Variants in NELL1 observed in about 807,000 individuals in gnomAD.
NELL1 encodes neural EGFL like 1, also known as protein kinase C-binding protein NELL1.
NELL1 carries 76 observed loss-of-function variants against 107.4 expected under a neutral mutation model. The ratio of observed to expected loss-of-function variants is 0.71; its 90% CI spans 0.59 to 0.86. NELL1 has a LOEUF of 0.86. NELL1 is among the 40% of genes least tolerant of loss of function. The probability of loss-of-function intolerance (pLI) is 0.00; values close to 1 mark genes in which losing one functional copy is unlikely to be tolerated. For synonymous variants in NELL1, 353 were observed against 341.2 expected (o/e 1.03, Z -0.38); for missense variants, 1,024 against 1,005.5 (o/e 1.02, Z -0.25).
chr11:21,136,295 G>A (rs890318771), intron 13 of NELL1, among the ~76,000 whole-genome samples: 3 of 152,164 alleles, frequency 2.0e-5, no homozygotes, highest in African/African-American at 2.4e-5. Context: ...TGTGAGGGGG[G>A]TGGGTAATGA....
intron 2 of NELL1, among the ~76,000 whole-genome samples, chr11:20,766,199 C>A (rs1749120002): frequency 6.6e-6 from 1 of 152,192 alleles, no homozygotes; most frequent in Non-Finnish European, 1.5e-5. Flanking sequence ...CCTGTCAAAG[C>A]CCAAACACTG....
chr11:20,728,322 T>G lies in NELL1; in HGVS notation c.184+50262T>G, dbSNP rs4922998. Among the ~76,000 whole-genome samples the G allele has an allele frequency of 9.5e-3, 1,454 of 152,308 alleles. 15 individuals are homozygous for G. Among genetic ancestry groups the G allele is most frequent in the Admixed American group, 0.019 (294 of 15,298 alleles). Reference sequence around the variant, plus strand: ...GCTCTTTAGTTTAATTAGCTTCTACTTGTCAATTTTTGTTTTTGTTGTAAT... The same window carrying G: ...GCTCTTTAGTTTAATTAGCTTCTACGTGTCAATTTTTGTTTTTGTTGTAAT... On this transcript the variant is annotated intron_variant, in intron 2 of 19. Coordinates refer to ENST00000357134, the MANE Select transcript of NELL1 (RefSeq NM_006157.5).
intron 13 of NELL1, among the ~76,000 whole-genome samples, chr11:21,117,379 C>A (rs546787533): frequency 1.3e-5 from 2 of 152,050 alleles, no homozygotes; most frequent in South Asian, 2.1e-4. Flanking sequence ...CTCTACTATA[C>A]CTTGACTACT....
intron 3 of NELL1, among the ~76,000 whole-genome samples, chr11:20,836,956 A>G (rs183678522): frequency 6.6e-6 from 1 of 152,230 alleles, no homozygotes; most frequent in African/African-American, 2.4e-5. Flanking sequence ...GTACATATTT[A>G]AAAAAATCAT....
At chr11:21,156,447 T>G (rs552581944) in intron 13 of NELL1, among the ~76,000 whole-genome samples, 1 of 152,186 alleles carries the variant, frequency 6.6e-6, no homozygotes, top group East Asian at 1.9e-4. Flanking sequence ...GGAGCTCATC[T>G]AGGCTAAATA....
intron 15 of NELL1, among the ~76,000 whole-genome samples, chr11:21,516,545 G>T (rs1430026985): frequency 6.6e-6 from 1 of 152,074 alleles, no homozygotes; most frequent in Non-Finnish European, 1.5e-5. Context: ...AGGCTATGTG[G>T]TACAGCCTAT....
chr11:20,813,586 T>C (rs2134015919), intron 3 of NELL1, among the ~76,000 whole-genome samples: 1 of 152,348 alleles, frequency 6.6e-6, no homozygotes, highest in South Asian at 2.1e-4. Context: ...GAGTATTATA[T>C]ATTCAGTGTC....
chr11:21,429,922 T>C (rs1158773509), intron 15 of NELL1, among the ~76,000 whole-genome samples: 1 of 152,184 alleles, frequency 6.6e-6, no homozygotes, highest in Non-Finnish European at 1.5e-5. Context: ...TTGGTGTCTC[T>C]ATGTAAAATG....
chr11:21,553,962 A>C (rs2133993511), intron 16 of NELL1, among the ~76,000 whole-genome samples: 1 of 152,010 alleles, frequency 6.6e-6, no homozygotes, highest in South Asian at 2.1e-4. Context: ...GTCATTTAGT[A>C]GACTGCAGCA....
chr11:21,110,802 C>CTT (rs1855088788), intron 12 of NELL1, among the ~76,000 whole-genome samples: 1 of 152,116 alleles, frequency 6.6e-6, no homozygotes, highest in East Asian at 1.9e-4. Context: ...GCGTACTCTG[C>CTT]TCCAATCAAT....
At chr11:21,076,516 T>A (rs1854140037) in intron 12 of NELL1, among the ~76,000 whole-genome samples, 1 of 152,234 alleles carries the variant, frequency 6.6e-6, no homozygotes, top group African/African-American at 2.4e-5. Context: ...ACAAAAATCC[T>A]TCTCAGACTC....
At chr11:21,096,079 G>A (rs1273945567) in intron 12 of NELL1, among the ~76,000 whole-genome samples, 1 of 152,180 alleles carries the variant, frequency 6.6e-6, no homozygotes, top group Non-Finnish European at 1.5e-5. Flanking sequence ...CAACATGTGA[G>A]AATTGAGGAT....
intron 15 of NELL1, among the ~76,000 whole-genome samples, chr11:21,510,422 T>C (rs1279075872): frequency 6.6e-6 from 1 of 152,192 alleles, no homozygotes; most frequent in Non-Finnish European, 1.5e-5. Flanking sequence ...TGTGGAAGCA[T>C]GAAGGAAAGT....
chr11:20,768,828 C>G (rs1470141207), intron 2 of NELL1, among the ~76,000 whole-genome samples: 2 of 152,250 alleles, frequency 1.3e-5, no homozygotes, highest in East Asian at 3.9e-4. Flanking sequence ...ATGGCCGTGC[C>G]CCCATCTTGG....
At chr11:20,717,395 C>T (rs1034452736) in intron 2 of NELL1, among the ~76,000 whole-genome samples, 1 of 152,170 alleles carries the variant, frequency 6.6e-6, no homozygotes, top group Non-Finnish European at 1.5e-5. Context: ...TTTTCCCTGA[C>T]TCATGCCACC....
chr11:20,986,449 A>G (rs550372917), intron 12 of NELL1, among the ~76,000 whole-genome samples: 1 of 152,200 alleles, frequency 6.6e-6, no homozygotes, highest in Admixed American at 6.5e-5. Context: ...TTCCTTGTGC[A>G]CCCTTGGCAA....
At chr11:21,106,045 G>T (rs542536574) in intron 12 of NELL1, among the ~76,000 whole-genome samples, 2 of 149,168 alleles carry the variant, frequency 1.3e-5, no homozygotes, top group Admixed American at 6.7e-5. Flanking sequence ...ATGCCTTAAG[G>T]CACAGACCTC....
At chr11:21,076,877 A>C (rs1955064) in intron 12 of NELL1, among the ~76,000 whole-genome samples, 151,376 of 152,176 alleles carry the variant, frequency 0.99, 75,294 homozygotes, top group East Asian at 1. Context: ...TACACGCTGA[A>C]TCCCCTTCCC....
At chr11:21,484,671 C>T (rs1854582407) in intron 15 of NELL1, among the ~76,000 whole-genome samples, 1 of 151,804 alleles carries the variant, frequency 6.6e-6, no homozygotes, top group African/African-American at 2.4e-5. Flanking sequence ...TACATATGTA[C>T]ATATATGTAT....
Sources: allele counts gnomAD v4.1 joint callset (sites outside exome capture counted in the v4.1 genomes callset), GRCh38; gene constraint gnomAD v4.1.1; transcripts MANE v1.5; gene names NCBI Gene and HGNC (gene_info 2026-07-23, HGNC 2026-07-21).